ITGA8: variants seen among roughly 807,000 people sequenced by gnomAD.
The protein encoded by ITGA8 is integrin alpha-8.
In ITGA8, 91 loss-of-function variants were observed where a neutral mutation model predicts 142.3. The observed-to-expected ratio is 0.64, with a 90% CI of 0.54 to 0.76. ITGA8 has a LOEUF of 0.76. Ranked by LOEUF, ITGA8 falls within the 30% of genes least tolerant of loss-of-function variation. ITGA8 has a pLI of 0.00. For missense variants in ITGA8, 1,406 were observed against 1,327.7 expected (o/e 1.06, Z -0.92); for synonymous variants, 505 against 485.2 (o/e 1.04, Z -0.54).
At chr10:15,710,066 TTG>T (rs1390177318) in intron 2 of ITGA8, among the ~76,000 whole-genome samples, 4 of 152,222 alleles carry the variant, frequency 2.6e-5, no homozygotes, top group African/African-American at 7.2e-5. Flanking sequence ...TAGAATTTTT[TTG>T]TGTGTTTAAT....
intron 23 of ITGA8, among the ~76,000 whole-genome samples, chr10:15,578,116 A>G (rs1369251555): frequency 6.6e-6 from 1 of 152,184 alleles, no homozygotes; most frequent in African/African-American, 2.4e-5. Context: ...TGTCATTGAC[A>G]TAGTCAAGAA....
intron 11 of ITGA8, among the ~76,000 whole-genome samples, chr10:15,652,114 G>A (rs896863196): frequency 6.6e-6 from 1 of 152,222 alleles, no homozygotes; most frequent in South Asian, 2.1e-4. Flanking sequence ...ACAGTTCTGT[G>A]TTTGTTACTA....
At chr10:15,682,098 C>A (rs111995104) in intron 4 of ITGA8, among the ~76,000 whole-genome samples, 2,258 of 152,274 alleles carry the variant, frequency 0.015, 17 homozygotes, top group Non-Finnish European at 0.021. Flanking sequence ...AGAAGAATCC[C>A]TTTCTATCGT....
chr10:15,580,365 A>G (rs182357175), intron 23 of ITGA8, among the ~76,000 whole-genome samples: 1 of 152,296 alleles, frequency 6.6e-6, no homozygotes, highest in Admixed American at 6.5e-5. Context: ...ACATCTAAGA[A>G]TGAAGTTGAC....
intron 27 of ITGA8, among the ~76,000 whole-genome samples, chr10:15,539,734 G>A (rs1174609793): frequency 1.3e-5 from 2 of 152,152 alleles, no homozygotes; most frequent in African/African-American, 4.8e-5. Flanking sequence ...AATGTGTAAT[G>A]ATCAACTCAG....
At chr10:15,693,892 T>C (rs1402679694) in intron 2 of ITGA8, among the ~76,000 whole-genome samples, 3 of 151,836 alleles carry the variant, frequency 2.0e-5, no homozygotes, top group Non-Finnish European at 4.4e-5. Flanking sequence ...TTTAAATCTC[T>C]TAATGACAGA....
intron 12 of ITGA8, among the ~76,000 whole-genome samples, chr10:15,644,754 A>G (rs1468287444): frequency 1.3e-5 from 2 of 151,660 alleles, no homozygotes; most frequent in Non-Finnish European, 2.9e-5. Context: ...TACTGCTGCA[A>G]TGACAAATTA....
intron 2 of ITGA8, among the ~76,000 whole-genome samples, chr10:15,703,994 C>G (rs908795614): frequency 6.6e-6 from 1 of 152,214 alleles, no homozygotes; most frequent in East Asian, 1.9e-4. Flanking sequence ...ATTGTGAGAT[C>G]AGAGGATGTC....
intron 23 of ITGA8, among the ~76,000 whole-genome samples, chr10:15,579,546 A>G (rs1834364014): frequency 6.6e-6 from 1 of 152,132 alleles, no homozygotes; most frequent in South Asian, 2.1e-4. Flanking sequence ...AAAAACTAAG[A>G]TACACTAAGC....
intron 2 of ITGA8, among the ~76,000 whole-genome samples, chr10:15,695,985 C>G (rs1012056257): frequency 6.6e-6 from 1 of 152,220 alleles, no homozygotes; most frequent in Non-Finnish European, 1.5e-5. Flanking sequence ...TCCTTGCCAA[C>G]GTCCATGAAA....
At chr10:15,699,400 T>C (rs750187290) in intron 2 of ITGA8, among the ~76,000 whole-genome samples, 3 of 152,222 alleles carry the variant, frequency 2.0e-5, no homozygotes, top group Non-Finnish European at 2.9e-5. Context: ...AATAGATAGA[T>C]GACTAGCTAG....
At chr10:15,525,382 T>C (rs371441172) in intron 28 of ITGA8, among the ~76,000 whole-genome samples, 1 of 151,974 alleles carries the variant, frequency 6.6e-6, no homozygotes, top group East Asian at 1.9e-4. Flanking sequence ...GTGGCTCACA[T>C]CTGTAATCCC....
chr10:15,584,322 A>G (rs1367094156), intron 23 of ITGA8, among the ~76,000 whole-genome samples: 4 of 149,986 alleles, frequency 2.7e-5, no homozygotes, highest in African/African-American at 9.8e-5. Context: ...AAAAGAAAAG[A>G]AATATGTGCA....
chr10:15,522,791 C>T (rs1833094703), intron 28 of ITGA8, among the ~76,000 whole-genome samples: 1 of 152,206 alleles, frequency 6.6e-6, no homozygotes, highest in Admixed American at 6.5e-5. Flanking sequence ...GCAGGTGGAT[C>T]ACCTGAGGTG....
At chr10:15,714,114 T>C (rs1269334706) in intron 2 of ITGA8, among the ~76,000 whole-genome samples, 7 of 152,168 alleles carry the variant, frequency 4.6e-5, no homozygotes. Flanking sequence ...TCCTCAAACA[T>C]TTTACTTGAG....
At position 15,673,860 on chromosome 10, in the gene ITGA8, G is replaced by T. The variant is rs150773861; in HGVS notation, c.677-1111C>A. On this transcript the variant is annotated intron_variant, in intron 6 of 29. Transcript: ENST00000378076. ...GTCACTGTCAGAAGTCTTGAAATAC[G>T]ATTGCCTTGGGGTAGACAAGTATCT... 9.1e-4 allele frequency among the ~76,000 whole-genome samples: 136 copies of T among 148,782 alleles called. 4 individuals are homozygous for T. The East Asian group carries it at 0.021, about 23-fold the overall frequency.
At chr10:15,712,713 T>A (rs1465803410) in intron 2 of ITGA8, among the ~76,000 whole-genome samples, 2 of 152,202 alleles carry the variant, frequency 1.3e-5, no homozygotes, top group African/African-American at 2.4e-5. Flanking sequence ...ACTCTCTCCA[T>A]CAATGCAATT....
chr10:15,532,991 G>GA (rs1833342978), intron 27 of ITGA8, among the ~76,000 whole-genome samples: 1 of 152,138 alleles, frequency 6.6e-6, no homozygotes, highest in Non-Finnish European at 1.5e-5. Flanking sequence ...TGTATTCCGT[G>GA]ACGATCATGG....
intron 27 of ITGA8, among the ~76,000 whole-genome samples, chr10:15,543,251 G>C (rs1349871054): frequency 6.6e-6 from 1 of 152,200 alleles, no homozygotes; most frequent in Admixed American, 6.5e-5. Context: ...CAGAGACAGA[G>C]AAAATAGACT....
Sources: gnomAD v4.1 joint callset for allele counts (sites outside exome capture counted in the v4.1 genomes callset) on GRCh38, gnomAD v4.1.1 for gene constraint, MANE v1.5 for transcripts, NCBI Gene and HGNC (gene_info 2026-07-23, HGNC 2026-07-21) for gene names.